The following TSHZ2 variants were observed in gnomAD, a reference collection of about 807,000 sequenced individuals.
TSHZ2 encodes the protein teashirt homolog 2.
In TSHZ2, 21 loss-of-function variants were observed where a neutral mutation model predicts 74.4. The ratio of observed to expected loss-of-function variants is 0.28; its 90% confidence interval spans 0.20 to 0.41. The LOEUF is 0.41. TSHZ2 is among the 10% of genes least tolerant of loss of function. TSHZ2 has a pLI of 1.00. For synonymous variants in TSHZ2, 540 were observed against 515.3 expected, an observed-to-expected ratio of 1.05 and a Z score of -0.65; for missense variants, 1,244 against 1,293.5, an observed-to-expected ratio of 0.96 and a Z score of 0.59.
chr20:53,407,111 C>T (rs994501081), intron 2 of TSHZ2, among the ~76,000 whole-genome samples: 1 of 152,190 alleles, frequency 6.6e-6, no homozygotes, highest in Admixed American at 6.5e-5. Context: ...TCCCACATTT[C>T]TCTAGAAAAA....
At chr20:53,028,814 G>GT (rs1983538862) in intron 1 of TSHZ2, among the ~76,000 whole-genome samples, 1 of 152,126 alleles carries the variant, frequency 6.6e-6, no homozygotes, top group Non-Finnish European at 1.5e-5. Context: ...CTAGAGCTGG[G>GT]TTCATTAACT....
intron 2 of TSHZ2, among the ~76,000 whole-genome samples, chr20:53,328,403 CTTATCAT>C (rs1185752934): frequency 6.6e-6 from 1 of 152,198 alleles, no homozygotes. Flanking sequence ...CATTTACAGA[CTTATCAT>C]TTGTAATTTG....
chr20:53,109,499 G>A (rs1314204204), intron 1 of TSHZ2, among the ~76,000 whole-genome samples: 2 of 152,080 alleles, frequency 1.3e-5, no homozygotes, highest in Non-Finnish European at 2.9e-5. Context: ...CTTTCAATTT[G>A]CTTTGGCCAA....
At chr20:53,020,866 A>G (rs945922734) in intron 1 of TSHZ2, among the ~76,000 whole-genome samples, 1 of 152,232 alleles carries the variant, frequency 6.6e-6, no homozygotes, top group African/African-American at 2.4e-5. Flanking sequence ...GGCTCCGGAA[A>G]CAGACCTGAA....
chr20:53,369,633 C>T (rs1263223590), intron 2 of TSHZ2, among the ~76,000 whole-genome samples: 1 of 152,164 alleles, frequency 6.6e-6, no homozygotes, highest in East Asian at 1.9e-4. Flanking sequence ...ATCACTTGAA[C>T]CTGGGAGGCA....
chr20:53,037,796 G>A (rs1423350112), intron 1 of TSHZ2, among the ~76,000 whole-genome samples: 1 of 152,168 alleles, frequency 6.6e-6, no homozygotes, highest in African/African-American at 2.4e-5. Flanking sequence ...AGGGCCGGTG[G>A]CCCTGGATCA....
chr20:53,050,130 T>TATATATAC (rs1555819321), intron 1 of TSHZ2, among the ~76,000 whole-genome samples: 22 of 88,312 alleles, frequency 2.5e-4, no homozygotes, highest in African/African-American at 1.2e-3. Flanking sequence ...TATATACACA[T>TATATATAC]ATATATATGT....
At chr20:52,973,492 T>A (rs755281353) in intron 1 of TSHZ2, among the ~76,000 whole-genome samples, 159 bp downstream of exon 1, 5 of 152,070 alleles carry the variant, frequency 3.3e-5, no homozygotes, top group Admixed American at 1.3e-4. Context: ...CCTTCTCTGG[T>A]CTCCCAAATC....
At chr20:53,101,446 A>C (rs1208262589) in intron 1 of TSHZ2, among the ~76,000 whole-genome samples, 1 of 151,982 alleles carries the variant, frequency 6.6e-6, no homozygotes, top group Non-Finnish European at 1.5e-5. Context: ...TTAATATCCC[A>C]CCGTCGTTCT....
Position 53,158,108 on chromosome 20 carries a change from G to A in TSHZ2, c.41-95391G>A, listed in dbSNP as rs540500890. Among the ~76,000 whole-genome samples, 6 of 152,338 alleles carry A rather than the reference G, an allele frequency of 3.9e-5. No homozygotes were observed. The South Asian group carries it at 1.0e-3, about 26-fold the overall frequency. ...AAGTGAGGAAGGAAGCTGTGGGGCC[G>A]TGGAGGGAACAGTGTCCCAGGTGGA... is the stretch of plus-strand genomic sequence containing the variant. On this transcript the variant is annotated intron_variant, in intron 1 of 2. Coordinates refer to ENST00000371497, the MANE Select transcript of TSHZ2 (RefSeq NM_173485.6).
chr20:53,320,889 A>G (rs953018545), intron 2 of TSHZ2, among the ~76,000 whole-genome samples: 2 of 152,210 alleles, frequency 1.3e-5, no homozygotes, highest in Non-Finnish European at 2.9e-5. Context: ...TGATGAAGAC[A>G]TCGTTCCAGT....
At chr20:53,314,133 C>T (rs1202610118) in intron 2 of TSHZ2, among the ~76,000 whole-genome samples, 1 of 151,898 alleles carries the variant, frequency 6.6e-6, no homozygotes, top group South Asian at 2.1e-4. Context: ...ACTAAAAATA[C>T]AAAAATCAGT....
At chr20:53,045,776 A>G (rs1263621741) in intron 1 of TSHZ2, among the ~76,000 whole-genome samples, 1 of 152,198 alleles carries the variant, frequency 6.6e-6, no homozygotes, top group Non-Finnish European at 1.5e-5. Flanking sequence ...GTGGTGAGGC[A>G]TAAGAGAAAA....
At chr20:52,995,402 C>A (rs1263288115) in intron 1 of TSHZ2, among the ~76,000 whole-genome samples, 1 of 152,172 alleles carries the variant, frequency 6.6e-6, no homozygotes, top group East Asian at 1.9e-4. Flanking sequence ...GTTTCCACGA[C>A]CCTCCCTGAA....
chr20:53,459,333 A>ATCTT (rs1985252795), intron 2 of TSHZ2, among the ~76,000 whole-genome samples: 1 of 151,766 alleles, frequency 6.6e-6, no homozygotes. Flanking sequence ...GTCTCTTTTG[A>ATCTT]TCTTTGTTGG....
chr20:53,271,854 G>A (rs1002733293), intron 2 of TSHZ2, among the ~76,000 whole-genome samples: 1 of 152,234 alleles, frequency 6.6e-6, no homozygotes, highest in African/African-American at 2.4e-5. Flanking sequence ...CAGACAGGTG[G>A]CTGGTGGATG....
chr20:53,012,127 A>G (rs544794183), intron 1 of TSHZ2, among the ~76,000 whole-genome samples: 15 of 152,292 alleles, frequency 9.8e-5, no homozygotes, highest in Admixed American at 9.2e-4. Flanking sequence ...TTATACTTCA[A>G]TGTACAATAT....
chr20:53,068,378 C>T (rs1319490063), intron 1 of TSHZ2, among the ~76,000 whole-genome samples: 2 of 152,106 alleles, frequency 1.3e-5, no homozygotes, highest in African/African-American at 4.8e-5. Flanking sequence ...CTCCAAACTC[C>T]ACTGGACTTC....
At chr20:53,295,653 AAAG>A (rs1181501244) in intron 2 of TSHZ2, among the ~76,000 whole-genome samples, 2 of 152,230 alleles carry the variant, frequency 1.3e-5, no homozygotes, top group Non-Finnish European at 2.9e-5. Context: ...CTTAACAAAA[AAAG>A]GAGCAAATGA....
Sources: allele counts gnomAD v4.1 joint callset (sites outside exome capture counted in the v4.1 genomes callset), GRCh38; gene constraint gnomAD v4.1.1; transcripts MANE v1.5; gene names NCBI Gene and HGNC (gene_info 2026-07-23, HGNC 2026-07-21).